The following CACNA1B variants were observed in gnomAD, a reference collection of about 807,000 sequenced individuals.
The protein encoded by CACNA1B is calcium voltage-gated channel subunit alpha1 B, also known as voltage-dependent N-type calcium channel subunit alpha-1B.
A neutral mutation model predicts 247.2 loss-of-function variants in CACNA1B; 70 were observed. That is an observed-to-expected ratio of 0.28 (90% CI 0.23 to 0.35). The LOEUF (loss-of-function observed/expected upper bound fraction) is 0.35. Ranked by LOEUF, CACNA1B falls within the 10% of genes least tolerant of loss-of-function variation. CACNA1B has a pLI of 1.00. For missense variants in CACNA1B, 2,367 were observed against 3,197.4 expected, an observed-to-expected ratio of 0.74 and a Z score of 6.26; for synonymous variants, 1,231 against 1,294.4, an observed-to-expected ratio of 0.95 and a Z score of 1.05.
Position 138,023,332 on chromosome 9 carries a change from G to T in CACNA1B, c.2589G>T (p.Ala863=), listed in dbSNP as rs762317222. 2.0e-6 allele frequency: 3 copies of T among 1,503,066 alleles called. No individual in the cohort carries two copies. Among genetic ancestry groups the T allele is most frequent in the East Asian group, 5.5e-5 (2 of 36,646 alleles). 93.1% of individuals were successfully genotyped at this position (1,503,066 alleles called of 1,614,324 possible). A position where few individuals can be genotyped will look rare whatever the true frequency, so the allele number is the denominator to read the frequency against. Residue 863 remains alanine (A), a synonymous_variant, in exon 19 of 47, where the codon GCG becomes GCT. Coordinates refer to ENST00000371372, the MANE Select transcript of CACNA1B (RefSeq NM_000718.4). Reference sequence around the variant, plus strand: ...GCGACAAGGACAAGACCCCCGCGGCGGGGGACCAGGACCGAGCAGAGGCCC... The same window carrying T: ...GCGACAAGGACAAGACCCCCGCGGCTGGGGACCAGGACCGAGCAGAGGCCC... ...RHRDKDKTPA[A]GDQDRAEAPK... is the part of the protein sequence containing the mutation.
At chr9:137,921,317 G>T (rs1024118481) in intron 6 of CACNA1B, among the ~76,000 whole-genome samples, 1 of 132,784 alleles carries the variant, frequency 7.5e-6, no homozygotes, top group African/African-American at 2.8e-5. Context: ...CCACGGCCGC[G>T]CAGCATCCTG....
chr9:137,996,213 G>C (rs1958498822), intron 15 of CACNA1B, among the ~76,000 whole-genome samples: 1 of 152,222 alleles, frequency 6.6e-6, no homozygotes, highest in Non-Finnish European at 1.5e-5. Context: ...GCACATGCAT[G>C]TTTATAGCAG....
At chr9:138,041,836 C>T (rs1314188072) in intron 20 of CACNA1B, among the ~76,000 whole-genome samples, 2 of 152,134 alleles carry the variant, frequency 1.3e-5, no homozygotes, top group Admixed American at 1.3e-4. Context: ...CTCACTGTAA[C>T]CTTGAACTCC....
intron 6 of CACNA1B, among the ~76,000 whole-genome samples, chr9:137,942,890 A>G (rs556487885): frequency 6.6e-6 from 1 of 152,332 alleles, no homozygotes; most frequent in African/African-American, 2.4e-5. Flanking sequence ...TAGGTGCACG[A>G]AAATCTCATA....
At chr9:137,902,107 C>T (rs569157241) in intron 3 of CACNA1B, among the ~76,000 whole-genome samples, 4 of 152,232 alleles carry the variant, frequency 2.6e-5, no homozygotes, top group Admixed American at 2.0e-4. Flanking sequence ...CCTTGTTGTC[C>T]TTTTCCATTA....
chr9:137,924,162 C>T (rs879330812), intron 6 of CACNA1B, among the ~76,000 whole-genome samples: 1 of 151,848 alleles, frequency 6.6e-6, no homozygotes, highest in Non-Finnish European at 1.5e-5. Flanking sequence ...CTTTTGGTGT[C>T]AACTGTAAGA....
In CACNA1B at chr9:138,023,017, G is replaced by A. The variant is rs776832626; in HGVS notation, c.2274G>A (p.Gln758=). 4.0e-6 allele frequency: 6 copies of A among 1,511,044 alleles called. No homozygotes were observed. The Admixed American group carries it at 1.2e-4, about 31-fold the overall frequency. The allele number at this position is 1,511,044 out of a possible 1,614,324, so 93.6% of individuals were successfully genotyped here. ...SAANISIAAR[Q]QNSAKARSVW... ...ACCGCCAGTCTCCCCGCAGCAGGCAGCAGAACTCGGCCAAGGCGCGCTCGG... is the reference window on the plus strand; with the variant it reads ...ACCGCCAGTCTCCCCGCAGCAGGCAACAGAACTCGGCCAAGGCGCGCTCGG... The change falls in exon 19 of 47, where the codon CAG becomes CAA. Residue 758 remains glutamine, a synonymous_variant. Coordinates refer to ENST00000371372, the MANE Select transcript of CACNA1B (RefSeq NM_000718.4).
At chr9:138,113,763 C>T (rs1228509373) in intron 40 of CACNA1B, among the ~76,000 whole-genome samples, 4 of 133,290 alleles carry the variant, frequency 3.0e-5, no homozygotes, top group Admixed American at 1.5e-4. Context: ...TTGTGGGAGA[C>T]GTGAGGGAGC....
intron 44 of CACNA1B, among the ~76,000 whole-genome samples, chr9:138,119,790 C>T (rs1230823828): frequency 6.6e-6 from 1 of 152,190 alleles, no homozygotes. Flanking sequence ...GCCTACCCGT[C>T]CCAGGTGTCT....
chr9:138,114,875 A>G (rs1407455801), intron 41 of CACNA1B, among the ~76,000 whole-genome samples: 5 of 152,180 alleles, frequency 3.3e-5, no homozygotes, highest in Non-Finnish European at 7.3e-5. Context: ...AGAAATTCAG[A>G]TAGGTACAGG....
intron 6 of CACNA1B, among the ~76,000 whole-genome samples, chr9:137,927,426 T>G (rs2133299674): frequency 6.6e-6 from 1 of 152,324 alleles, no homozygotes; most frequent in Middle Eastern, 3.4e-3. Flanking sequence ...TTTCTCCATG[T>G]TGGTCAGACT....
rs200789295 is a variant in CACNA1B at position 138,105,782 on chromosome 9, G to A, written c.5403G>A (p.Thr1801=). 8 of 1,559,374 alleles carry A rather than the reference G, an allele frequency of 5.1e-6. No individual in the cohort carries two copies. The highest frequency in any genetic ancestry group is 1.2e-5 in the South Asian group (1 of 84,532). The change falls in exon 39 of 47, where the codon ACG becomes ACA. Residue 1801 remains threonine (T), a synonymous_variant. Coordinates refer to ENST00000371372, the MANE Select transcript of CACNA1B (RefSeq NM_000718.4). ...CCACGCTGATGGCCCTCATCCGGAC[G>A]GCACTGGAGATCAAGCTGGCCCCAG... The part of the protein sequence containing the change: ...FTSTLMALIR[T]ALEIKLAPAG...
At chr9:138,092,705 A>G (rs181048045) in intron 36 of CACNA1B, among the ~76,000 whole-genome samples, 1 of 152,236 alleles carries the variant, frequency 6.6e-6, no homozygotes, top group Non-Finnish European at 1.5e-5. Context: ...GAAGTGATAA[A>G]TGTCCATGAA....
Position 138,050,217 on chromosome 9 carries a change from G to A in CACNA1B, c.3710+902G>A. On this transcript the variant is annotated intron_variant, in intron 24 of 46. Coordinates refer to ENST00000371372, the MANE Select transcript of CACNA1B (RefSeq NM_000718.4). The surrounding 1 kb of genome is among the most constrained non-coding windows in gnomAD (Gnocchi z 5.2). ...CCCCATCGGGGCTGCATGCTGCCGG[G>A]AGCCAAGTCCCCGGCCAGGGGTTCC... is the stretch of plus-strand genomic sequence containing the variant. The A allele has an allele frequency of 1.5e-6, 1 of 649,532 alleles. No homozygotes were observed. Among genetic ancestry groups the A allele is most frequent in the Non-Finnish European group, 2.4e-6 (1 of 409,978 alleles). The allele number at this position is 649,532 out of a possible 1,614,324, so 40.2% of individuals were successfully genotyped here. A position where few individuals can be genotyped will look rare whatever the true frequency, so the allele number is the denominator to read the frequency against.
chr9:137,992,541 A>G (rs1203326920), intron 15 of CACNA1B, among the ~76,000 whole-genome samples: 1 of 152,218 alleles, frequency 6.6e-6, no homozygotes, highest in Non-Finnish European at 1.5e-5. Flanking sequence ...CAAGACAGAA[A>G]GTCAACAAAG....
At chr9:138,028,913 A>G (rs1958954104) in intron 20 of CACNA1B, among the ~76,000 whole-genome samples, 1 of 152,168 alleles carries the variant, frequency 6.6e-6, no homozygotes, top group South Asian at 2.1e-4. Flanking sequence ...ACCTCTATTC[A>G]GCATATGGCT....
At chr9:138,083,305 A>G (rs1034514168) in intron 36 of CACNA1B, among the ~76,000 whole-genome samples, 2 of 151,132 alleles carry the variant, frequency 1.3e-5, no homozygotes, top group African/African-American at 4.9e-5. Context: ...GACATCCCCA[A>G]GCTGAGCTGC....
chr9:137,949,311 T>C (rs1191416074), intron 6 of CACNA1B, among the ~76,000 whole-genome samples: 1 of 67,954 alleles, frequency 1.5e-5, no homozygotes, highest in African/African-American at 5.8e-5. Flanking sequence ...CTGGTGTGTG[T>C]GGTGTACGTA....
intron 21 of CACNA1B, among the ~76,000 whole-genome samples, chr9:138,046,368 T>C (rs1959185902): frequency 6.6e-6 from 1 of 152,224 alleles, no homozygotes; most frequent in Non-Finnish European, 1.5e-5. Flanking sequence ...CCTGGGAGCC[T>C]GGACAGGGCA....
Sources: allele counts gnomAD v4.1 joint callset (sites outside exome capture counted in the v4.1 genomes callset), GRCh38; gene constraint gnomAD v4.1.1; non-coding constraint Gnocchi (gnomAD v3.1); transcripts MANE v1.5; gene names NCBI Gene and HGNC (gene_info 2026-07-23, HGNC 2026-07-21).